The following DNM3 variants were observed in gnomAD, a reference collection of about 807,000 sequenced individuals.
DNM3 encodes the protein dynamin 3.
Under a neutral mutation model 101.6 loss-of-function variants are expected in DNM3, and 47 were observed. That is an observed-to-expected ratio of 0.46 (90% CI 0.37 to 0.59). DNM3 has a LOEUF of 0.59. Among genes scored for constraint, DNM3 ranks in the 20% least tolerant of loss-of-function variants. The probability of loss-of-function intolerance (pLI) is 0.00; values close to 1 mark genes in which losing one functional copy is unlikely to be tolerated. For synonymous variants in DNM3, 385 were observed against 387.9 expected (o/e 0.99, Z 0.09); for missense variants, 849 against 1,085.7 (o/e 0.78, Z 3.06).
At chr1:171,848,737 T>C (rs999474118) in intron 1 of DNM3, among the ~76,000 whole-genome samples, 12 of 152,242 alleles carry the variant, frequency 7.9e-5, no homozygotes, top group Admixed American at 7.2e-4. Context: ...TTGAGTGACA[T>C]TGAGGTCCAT....
chr1:172,078,314 T>G (rs1286216190), intron 11 of DNM3, among the ~76,000 whole-genome samples: 1 of 152,118 alleles, frequency 6.6e-6, no homozygotes, highest in African/African-American at 2.4e-5. Context: ...GGATGTTCTC[T>G]ATCTCCTCAC....
At chr1:172,174,330 T>A (rs995700506) in intron 14 of DNM3, among the ~76,000 whole-genome samples, 14 of 151,638 alleles carry the variant, frequency 9.2e-5, no homozygotes, top group Non-Finnish European at 1.9e-4. Flanking sequence ...TAAGTTTAAA[T>A]TTTAAATCCA....
At chr1:171,898,942 A>G (rs1216969604) in intron 1 of DNM3, among the ~76,000 whole-genome samples, 10 of 152,196 alleles carry the variant, frequency 6.6e-5, no homozygotes, top group Admixed American at 6.5e-4. Context: ...GACTTTTTAC[A>G]AGAAAGGGGT....
At chr1:172,416,752 A>C (rs1292000322), downstream of DNM3, among the ~76,000 whole-genome samples, 3 of 152,114 alleles carry the variant, frequency 2.0e-5, no homozygotes, top group Admixed American at 1.3e-4. Context: ...GATAAATCTC[A>C]TTGAGCTCGA....
chr1:172,001,791 T>C (rs2046371449), intron 4 of DNM3, among the ~76,000 whole-genome samples: 1 of 152,020 alleles, frequency 6.6e-6, no homozygotes, highest in African/African-American at 2.4e-5. Context: ...ATTCATCTTA[T>C]GGGGGTGTGT....
At chr1:171,932,045 C>A in intron 2 of DNM3, among the ~76,000 whole-genome samples, 1 of 91,394 alleles carries the variant, frequency 1.1e-5, no homozygotes, top group Admixed American at 1.1e-4. Context: ...TCCCTCTCCC[C>A]ATCCCCCACC....
intron 13 of DNM3, among the ~76,000 whole-genome samples, chr1:172,111,553 TTAAG>T (rs1160131673): frequency 6.6e-6 from 1 of 152,252 alleles, no homozygotes; most frequent in Non-Finnish European, 1.5e-5. Flanking sequence ...CTTGGCTATA[TTAAG>T]TAAGTTGCCT....
At position 172,183,767 on chromosome 1, in the gene DNM3, A is replaced by ATTTTTTT. The variant is rs376245976; in HGVS notation, c.1659+52503_1659+52509dup. 4.8e-4 allele frequency among the ~76,000 whole-genome samples: 30 copies of ATTTTTTT among 62,656 alleles called. 1 individual carries two copies. Among genetic ancestry groups the ATTTTTTT allele is most frequent in the African/African-American group, 7.3e-4 (13 of 17,872 alleles). The allele number at this position is 62,656 out of a possible 152,430, so 41.1% of individuals were successfully genotyped here. On this transcript the variant is annotated intron_variant, in intron 14 of 20. Transcript: ENST00000627582. ...AGGGTTGCACCACCATGCCCAGCTA[A>ATTTTTTT]TTTTTTTTTTTTTTTTTTTTTTTTT...
At chr1:172,012,634 T>C (rs1318445367) in intron 4 of DNM3, among the ~76,000 whole-genome samples, 1 of 152,082 alleles carries the variant, frequency 6.6e-6, no homozygotes, top group Non-Finnish European at 1.5e-5. Context: ...CTTTCCCTTT[T>C]CTTTTTCCCT....
intron 15 of DNM3, among the ~76,000 whole-genome samples, chr1:172,278,904 C>G (rs1410405457): frequency 2.6e-5 from 4 of 152,130 alleles, no homozygotes; most frequent in Non-Finnish European, 5.9e-5. Flanking sequence ...TTTCCCGGGA[C>G]ACAAGATCAG....
rs1421734436 is a variant in DNM3, at chr1:172,038,459, G to A, written c.990G>A (p.Leu330=). ...EDPTRKTKAL[L]QMVQQFAVDF... ...CAACAAGGAAGACCAAAGCATTGCT[G>A]CAGTAGGTCACCTTTCCCTTCCTTG... Residue 330 remains leucine, a splice_region_variant and synonymous_variant, in exon 7 of 21, where the codon CTG becomes CTA. Coordinates refer to ENST00000627582, the MANE Select transcript of DNM3 (RefSeq NM_015569.5). 3 of 1,612,152 alleles carry A rather than the reference G, an allele frequency of 1.9e-6. No homozygotes were observed. In the African/African-American group the frequency reaches 4.0e-5, roughly 22 times the overall value.
intron 4 of DNM3, among the ~76,000 whole-genome samples, chr1:171,991,014 C>T (rs2045595852): frequency 6.6e-6 from 1 of 152,056 alleles, no homozygotes; most frequent in Admixed American, 6.6e-5. Context: ...CTGATTGGGA[C>T]AGAGAGAGTC....
At chr1:171,904,929 T>G (rs2038692758) in intron 1 of DNM3, among the ~76,000 whole-genome samples, 1 of 152,196 alleles carries the variant, frequency 6.6e-6, no homozygotes, top group Non-Finnish European at 1.5e-5. Context: ...GGGATTGCGC[T>G]GGACAAGTGA....
In DNM3 at chr1:171,989,228, A is replaced by C. The variant is rs2045477393; in HGVS notation, c.589+80A>C. 1.3e-5 allele frequency: 17 copies of C among 1,294,828 alleles called. No individual in the cohort carries two copies. The South Asian group carries it at 3.1e-4, about 24-fold the overall frequency. The allele number at this position is 1,294,828 out of a possible 1,614,324, so 80.2% of individuals were successfully genotyped here. A position where few individuals can be genotyped will look rare whatever the true frequency, so the allele number is the denominator to read the frequency against. The stretch of plus-strand genomic sequence containing the variant: ...TCTTTAAAGGTAACATAAATTCTTA[A>C]GATTTGGTTTCATTATAAATAAATT... On this transcript the variant is annotated intron_variant, in intron 4 of 20. Coordinates refer to ENST00000627582, the MANE Select transcript of DNM3 (RefSeq NM_015569.5).
chr1:172,354,112 T>TGTGAGAGAGA (rs138540712), intron 17 of DNM3, among the ~76,000 whole-genome samples: 3,031 of 94,904 alleles, frequency 0.032, 89 homozygotes, highest in South Asian at 0.071. Context: ...TGTGTGTGTG[T>TGTGAGAGAGA]GAGAGAGAGA....
intron 14 of DNM3, among the ~76,000 whole-genome samples, chr1:172,250,163 G>T (rs2062113609): frequency 6.6e-6 from 1 of 152,092 alleles, no homozygotes. Flanking sequence ...AAGGGAGAGA[G>T]ATGGGAGGTG....
intron 17 of DNM3, among the ~76,000 whole-genome samples, chr1:172,329,919 TA>T (rs1413651363): frequency 6.6e-6 from 1 of 152,102 alleles, no homozygotes; most frequent in African/African-American, 2.4e-5. Flanking sequence ...AAGTGTAAAT[TA>T]AAACAGCCAG....
At chr1:172,156,802 A>G (rs1277390959) in intron 14 of DNM3, among the ~76,000 whole-genome samples, 1 of 152,144 alleles carries the variant, frequency 6.6e-6, no homozygotes, top group Non-Finnish European at 1.5e-5. Context: ...AAAGCATTAA[A>G]GGACATATAA....
chr1:172,392,102 G>C (rs1210346719), intron 20 of DNM3, among the ~76,000 whole-genome samples: 1 of 152,190 alleles, frequency 6.6e-6, no homozygotes, highest in East Asian at 1.9e-4. Context: ...GAAGGAGAGA[G>C]GTGGTGGAGT....
Sources: gnomAD v4.1 joint callset for allele counts (sites outside exome capture counted in the v4.1 genomes callset) on GRCh38, gnomAD v4.1.1 for gene constraint, MANE v1.5 for transcripts, NCBI Gene and HGNC (gene_info 2026-07-23, HGNC 2026-07-21) for gene names.